The following CACNB2 variants were observed in gnomAD, a reference collection of about 807,000 sequenced individuals.
The protein encoded by CACNB2 is calcium voltage-gated channel auxiliary subunit beta 2.
In CACNB2, 42 loss-of-function variants were observed where a neutral mutation model predicts 73.3. The ratio of observed to expected loss-of-function variants is 0.57; its 90% CI spans 0.45 to 0.74. CACNB2 has a LOEUF of 0.74. Among genes scored for constraint, CACNB2 ranks in the 30% least tolerant of loss-of-function variants. The probability of loss-of-function intolerance (pLI) is 0.00; values close to 1 mark genes in which losing one functional copy is unlikely to be tolerated. For missense variants in CACNB2, 940 were observed against 853.0 expected, an observed-to-expected ratio of 1.10 and a Z score of -1.27; for synonymous variants, 348 against 310.3, an observed-to-expected ratio of 1.12 and a Z score of -1.28.
At chr10:18,143,120 A>G (rs2030599627) in intron 1 of CACNB2, among the ~76,000 whole-genome samples, 1 of 152,226 alleles carries the variant, frequency 6.6e-6, no homozygotes, top group Non-Finnish European at 1.5e-5. Flanking sequence ...CGTAAAACTG[A>G]CAAAGCAATT....
chr10:18,281,643 T>G (rs998253778), intron 2 of CACNB2, among the ~76,000 whole-genome samples: 4 of 152,152 alleles, frequency 2.6e-5, no homozygotes, highest in African/African-American at 9.7e-5. Flanking sequence ...AAGCACAGTC[T>G]GAGACAAGGA....
At chr10:18,388,202 G>A (rs1290072372) in intron 2 of CACNB2, among the ~76,000 whole-genome samples, 1 of 152,090 alleles carries the variant, frequency 6.6e-6, no homozygotes, top group Non-Finnish European at 1.5e-5. Context: ...AACAAAAGAT[G>A]CTTTTTCATT....
At chr10:18,537,746 C>G (rs1322364902) in intron 12 of CACNB2, among the ~76,000 whole-genome samples, 1 of 145,880 alleles carries the variant, frequency 6.9e-6, no homozygotes, top group Non-Finnish European at 1.6e-5. Context: ...CACTGCACTC[C>G]AGCCTGGGTA....
chr10:18,260,893 A>G (rs2037505222), intron 2 of CACNB2: 1 of 1,112,748 alleles, frequency 9.0e-7, no homozygotes, highest in African/African-American at 1.6e-5. Context: ...TCCCGAGTTG[A>G]GAATGGCTAC....
intron 3 of CACNB2, among the ~76,000 whole-genome samples, chr10:18,412,181 C>A (rs2044669105): frequency 2.0e-5 from 3 of 152,130 alleles, no homozygotes; most frequent in Admixed American, 1.3e-4. Context: ...GGGTGATAAT[C>A]ATATCTCTAC....
In CACNB2 at chr10:18,163,890, C is replaced by G. The variant is rs964793338; in HGVS notation, c.213+12915C>G. Among the ~76,000 whole-genome samples the G allele has an allele frequency of 3.3e-5, 5 of 151,976 alleles. No individual in the cohort carries two copies. In the East Asian group the frequency reaches 7.7e-4, roughly 23 times the overall value. Reference sequence around the variant, plus strand: ...GTTGACTGTGTAATCTACTGTGGCACGTGGAGAAGCAGTGCTTTCACTCAT... The same window carrying G: ...GTTGACTGTGTAATCTACTGTGGCAGGTGGAGAAGCAGTGCTTTCACTCAT... On this transcript the variant is annotated intron_variant, in intron 2 of 13. Transcript: ENST00000324631.
At chr10:18,539,151 G>A in intron 13 of CACNB2, 79 bp from the exon 14 acceptor site, 1 of 1,580,866 alleles carries the variant, frequency 6.3e-7, no homozygotes, top group Non-Finnish European at 8.7e-7. Flanking sequence ...AAAGGACTCT[G>A]CTTGAATGCA....
chr10:18,208,053 G>C (rs2035166814), intron 2 of CACNB2, among the ~76,000 whole-genome samples: 2 of 152,172 alleles, frequency 1.3e-5, no homozygotes, highest in Non-Finnish European at 2.9e-5. Context: ...AATATTAGTT[G>C]CATCTTTCTT....
In CACNB2 at chr10:18,140,763, G is replaced by A; in HGVS notation, c.27G>A (p.Ser9=). The stretch of plus-strand genomic sequence containing the variant: ...TGGTCCAAAGGGACATGTCCAAGTC[G>A]CCTCCCACAGCGGCGGCGGCGGTGG... The part of the protein sequence containing the change: MVQRDMSK[S]PPTAAAAVAQ... Residue 9 remains serine (S), a synonymous_variant, in exon 1 of 14, where the codon TCG becomes TCA. Transcript: ENST00000324631. The A allele has an allele frequency of 6.3e-7, 1 of 1,595,778 alleles. No homozygotes were observed. Among genetic ancestry groups the A allele is most frequent in the Non-Finnish European group, 8.5e-7 (1 of 1,172,804 alleles).
intron 2 of CACNB2, among the ~76,000 whole-genome samples, chr10:18,392,360 C>T (rs1357412879): frequency 6.6e-6 from 1 of 152,194 alleles, no homozygotes; most frequent in Non-Finnish European, 1.5e-5. Context: ...ATGTTAAAGG[C>T]TGCTGATTGC....
intron 10 of CACNB2, among the ~76,000 whole-genome samples, chr10:18,532,590 C>T (rs1042560321): frequency 4.8e-5 from 7 of 145,154 alleles, no homozygotes; most frequent in African/African-American, 1.5e-4. Flanking sequence ...GAGAGAATCA[C>T]TTGAACTGAG....
At chr10:18,363,542 T>C (rs763669663) in intron 2 of CACNB2, among the ~76,000 whole-genome samples, 11 of 152,258 alleles carry the variant, frequency 7.2e-5, no homozygotes, top group Non-Finnish European at 1.6e-4. Flanking sequence ...TCTCTGAAGG[T>C]TCAGCATGAA....
chr10:18,251,033 GTTGAGTAGTCTTAAGGTCATTGCCC>G (rs753535470), intron 2 of CACNB2, among the ~76,000 whole-genome samples: 118 of 152,290 alleles, frequency 7.7e-4, no homozygotes, highest in Non-Finnish European at 1.5e-3. Flanking sequence ...ATGCATCTGT[GTTGAGTAGTCTTAAGGTCATTGCCC>G]TCAAATATTT....
intron 2 of CACNB2, among the ~76,000 whole-genome samples, chr10:18,230,146 G>C (rs1215433414): frequency 3.9e-5 from 6 of 152,118 alleles, no homozygotes; most frequent in African/African-American, 7.2e-5. Context: ...TGGTTCAAAA[G>C]GGCTAACTCA....
At chr10:18,442,999 T>TATAC (rs1185137919) in intron 3 of CACNB2, among the ~76,000 whole-genome samples, 2 of 12,866 alleles carry the variant, frequency 1.6e-4, no homozygotes, top group East Asian at 2.9e-3. Context: ...TATATATATG[T>TATAC]GTATATATAT....
chr10:18,284,680 TC>T (rs1432542420), intron 2 of CACNB2, among the ~76,000 whole-genome samples: 1 of 152,192 alleles, frequency 6.6e-6, no homozygotes, highest in East Asian at 1.9e-4. Flanking sequence ...CCAACCCACT[TC>T]CTAGAGCCAG....
chr10:18,447,581 G>A (rs1238196089), intron 3 of CACNB2, among the ~76,000 whole-genome samples: 3 of 152,138 alleles, frequency 2.0e-5, no homozygotes, highest in Non-Finnish European at 2.9e-5. Context: ...GTTCAGCAAC[G>A]TCAAATGCTG....
intron 2 of CACNB2, among the ~76,000 whole-genome samples, chr10:18,395,641 T>A (rs1391176739): frequency 3.9e-5 from 6 of 152,182 alleles, no homozygotes; most frequent in African/African-American, 1.4e-4. Flanking sequence ...ATCCTATAGC[T>A]ATATGTTTAT....
At chr10:18,228,594 C>T (rs147962937) in intron 2 of CACNB2, among the ~76,000 whole-genome samples, 67 of 152,282 alleles carry the variant, frequency 4.4e-4, no homozygotes, top group Non-Finnish European at 6.8e-4. Context: ...AGGTCTTTCA[C>T]GTCCTGGATG....
Sources: allele counts gnomAD v4.1 joint callset (sites outside exome capture counted in the v4.1 genomes callset), GRCh38; gene constraint gnomAD v4.1.1; transcripts MANE v1.5; gene names NCBI Gene and HGNC (gene_info 2026-07-23, HGNC 2026-07-21).